The following TCF12 variants were observed in gnomAD, a reference collection of about 807,000 sequenced individuals.
The protein encoded by TCF12 is transcription factor 12.
In TCF12, 45 loss-of-function variants were observed where a neutral mutation model predicts 86.0. The observed-to-expected ratio is 0.52, with a 90% CI of 0.41 to 0.67. TCF12 has a LOEUF of 0.67. Among genes scored for constraint, TCF12 ranks in the 30% least tolerant of loss-of-function variants. The probability of loss-of-function intolerance (pLI) is 0.00; values close to 1 mark genes in which losing one functional copy is unlikely to be tolerated. For synonymous variants in TCF12, 330 were observed against 299.6 expected (o/e 1.10, Z -1.05); for missense variants, 881 against 859.9 (o/e 1.02, Z -0.31).
intron 7 of TCF12, among the ~76,000 whole-genome samples, chr15:57,197,331 G>T (rs1014180039): frequency 1.3e-5 from 2 of 151,450 alleles, no homozygotes; most frequent in African/African-American, 4.8e-5. Flanking sequence ...TAATTTTTTT[G>T]TATTTTTAGT....
chr15:57,185,343 G>A (rs999301629), intron 6 of TCF12, among the ~76,000 whole-genome samples: 1 of 152,156 alleles, frequency 6.6e-6, no homozygotes, highest in Non-Finnish European at 1.5e-5. Flanking sequence ...GAAATGAAAA[G>A]ACATCATAGC....
At chr15:57,264,865 G>A (rs4774916) in intron 18 of TCF12, among the ~76,000 whole-genome samples, 40,920 of 151,856 alleles carry the variant, frequency 0.27, 6,729 homozygotes, top group African/African-American at 0.45. Context: ...GAGTAGCTGG[G>A]ACTACAGGTG....
intron 3 of TCF12, among the ~76,000 whole-genome samples, chr15:57,057,287 A>T (rs1423737252): frequency 6.6e-6 from 1 of 152,116 alleles, no homozygotes; most frequent in Admixed American, 6.5e-5. Flanking sequence ...CTTTCTAGTG[A>T]CTGTGGTTGT....
intron 8 of TCF12, chr15:57,219,095 A>G (rs923263464): frequency 3.8e-6 from 4 of 1,057,848 alleles, no homozygotes; most frequent in South Asian, 9.1e-5. Context: ...TTTCTCTGCC[A>G]CAAGTGCTCT....
At chr15:57,203,906 C>T (rs1203415499) in intron 8 of TCF12, among the ~76,000 whole-genome samples, 1 of 152,088 alleles carries the variant, frequency 6.6e-6, no homozygotes, top group East Asian at 1.9e-4. Context: ...GTTCTGTCTC[C>T]TTCGGAGGCT....
At chr15:57,080,618 A>C (rs1596441573) in intron 4 of TCF12, among the ~76,000 whole-genome samples, 1 of 152,282 alleles carries the variant, frequency 6.6e-6, no homozygotes, top group South Asian at 2.1e-4. Flanking sequence ...CTTGTTGAGC[A>C]TTCAATTGAT....
intron 3 of TCF12, among the ~76,000 whole-genome samples, chr15:56,981,180 T>G (rs540204694): frequency 1.3e-5 from 2 of 152,186 alleles, no homozygotes; most frequent in Non-Finnish European, 2.9e-5. Flanking sequence ...ACTATATATC[T>G]TGGTTTGTTA....
intron 3 of TCF12, among the ~76,000 whole-genome samples, chr15:57,041,598 C>A (rs2066899930): frequency 6.6e-6 from 1 of 152,094 alleles, no homozygotes; most frequent in Admixed American, 6.5e-5. Flanking sequence ...ACAACAATGG[C>A]ACAAAGAAGA....
chr15:57,144,349 G>A (rs1417915475), intron 5 of TCF12, among the ~76,000 whole-genome samples: 5 of 152,198 alleles, frequency 3.3e-5, no homozygotes, highest in East Asian at 1.9e-4. Context: ...TAGATGATGC[G>A]TAGTACAAAT....
chr15:57,223,643 G>GTTTTTTGTTTTTTTTTTTT (rs1456806093), intron 8 of TCF12, among the ~76,000 whole-genome samples: 5 of 69,664 alleles, frequency 7.2e-5, no homozygotes, highest in Non-Finnish European at 1.1e-4. Context: ...TACCAATGAG[G>GTTTTTTGTTTTTTTTTTTT]TTTTTTTTTT....
chr15:57,149,211 C>T (rs1001143839), intron 5 of TCF12, among the ~76,000 whole-genome samples: 2 of 152,080 alleles, frequency 1.3e-5, no homozygotes, highest in Admixed American at 1.3e-4. Flanking sequence ...CAATTTTCAC[C>T]AGTGTTTTTC....
chr15:57,192,321 C>G (rs772023015), intron 7 of TCF12, 28 bp downstream of exon 7: 27 of 1,610,056 alleles, frequency 1.7e-5, no homozygotes, highest in Non-Finnish European at 2.5e-6. Context: ...CAAATCCCAT[C>G]CCACATATGT....
chr15:57,160,146 C>T (rs1258382750), intron 5 of TCF12, among the ~76,000 whole-genome samples: 1 of 152,164 alleles, frequency 6.6e-6, no homozygotes. Flanking sequence ...TGTGGCTAAT[C>T]TGCTCTGAGG....
Position 57,234,044 on chromosome 15 carries a change from AAC to A in TCF12, c.973_974del (p.Thr325GlnfsTer12). 1 of 1,613,166 alleles carries A rather than the reference AAC, an allele frequency of 6.2e-7. No homozygotes were observed. Among genetic ancestry groups the A allele is most frequent in the Non-Finnish European group, 8.5e-7 (1 of 1,179,254 alleles). On this transcript the variant is annotated frameshift_variant and splice_region_variant, in exon 12 of 21. Coordinates refer to ENST00000333725, the MANE Select transcript of TCF12 (RefSeq NM_207037.2). LOFTEE classifies it high-confidence loss of function. ...PINGSDSILGTRGNAAGSSQT... is the reference protein window; with the variant it reads ...PINGSDSILGXRGNAAGSSQT... Reference sequence around the variant, plus strand: ...TTTATTTCTCTATGAAATATCCAGGAACCAGAGGGAATGCTGCTGGAAGCTCA... The same window carrying A: ...TTTATTTCTCTATGAAATATCCAGGACAGAGGGAATGCTGCTGGAAGCTCA...
At chr15:57,137,063 T>A (rs2052600565) in intron 5 of TCF12, among the ~76,000 whole-genome samples, 1 of 142,600 alleles carries the variant, frequency 7.0e-6, no homozygotes, top group Non-Finnish European at 1.5e-5. Flanking sequence ...CACTGCGAGC[T>A]CTGTCTCCCG....
chr15:56,978,090 G>GCA (rs1373434848), intron 3 of TCF12, among the ~76,000 whole-genome samples: 1 of 152,188 alleles, frequency 6.6e-6, no homozygotes, highest in Non-Finnish European at 1.5e-5. Flanking sequence ...ATATTAAAAA[G>GCA]CATGCATTTG....
intron 13 of TCF12, among the ~76,000 whole-genome samples, chr15:57,246,786 T>G (rs2059882754): frequency 6.6e-6 from 1 of 152,092 alleles, no homozygotes; most frequent in Admixed American, 6.5e-5. Flanking sequence ...ACAAGAATGG[T>G]TTCCTGTTTC....
chr15:57,076,362 A>G (rs2070038162), intron 4 of TCF12, among the ~76,000 whole-genome samples: 1 of 152,114 alleles, frequency 6.6e-6, no homozygotes, highest in Admixed American at 6.6e-5. Flanking sequence ...AATCTTTAAG[A>G]AAGGAATAGA....
At chr15:57,170,805 ATTTTTTTTTTT>A (rs58751405) in intron 6 of TCF12, among the ~76,000 whole-genome samples, 1 of 51,380 alleles carries the variant, frequency 1.9e-5, no homozygotes, top group African/African-American at 1.2e-4. Context: ...TATATATATA[ATTTTTTTTTTT>A]TTTTTTTTAG....
Sources: allele counts gnomAD v4.1 joint callset (sites outside exome capture counted in the v4.1 genomes callset), GRCh38; gene constraint gnomAD v4.1.1; transcripts MANE v1.5; gene names NCBI Gene and HGNC (gene_info 2026-07-23, HGNC 2026-07-21).